Variants in TRIM38 observed in about 807,000 individuals in gnomAD.
TRIM38 encodes the protein E3 ubiquitin-protein ligase TRIM38.
In TRIM38, 35 loss-of-function variants were observed where a neutral mutation model predicts 35.8. The ratio of observed to expected loss-of-function variants is 0.98; its 90% CI spans 0.75 to 1.30. The LOEUF is 1.30. Ranked by LOEUF, TRIM38 falls within the 50% of genes most tolerant of loss-of-function variation. The probability of loss-of-function intolerance (pLI) is 0.00; values close to 1 mark genes in which losing one functional copy is unlikely to be tolerated. For missense variants in TRIM38, 545 were observed against 556.9 expected (o/e 0.98, Z 0.21); for synonymous variants, 198 against 204.7 (o/e 0.97, Z 0.28).
In TRIM38 at chr6:25,972,024, G is replaced by A. The variant is rs1252771505; in HGVS notation, c.663G>A (p.Leu221=). The A allele has an allele frequency of 6.2e-7, 1 of 1,614,160 alleles. No homozygotes were observed. The highest frequency in any genetic ancestry group is 8.5e-7 in the Non-Finnish European group (1 of 1,180,022). The change falls in exon 5 of 8, where the codon CTG becomes CTA. Residue 221 remains leucine (L), a synonymous_variant. Coordinates refer to ENST00000357085, the MANE Select transcript of TRIM38 (RefSeq NM_006355.5). ...GGGACTATGAGGCTGGTCTGGGGCT[G>A]AAGAGCAATGAACTCAAGAGCCACA... ...RLRDYEAGLG[L]KSNELKSHIL... is the part of the protein sequence containing the mutation.
At position 25,963,090 on chromosome 6, in the gene TRIM38, G is replaced by A. The variant is rs544066408; in HGVS notation, c.-381G>A. ...CAGAAGATTCAGAACTTAGATGAGT[G>A]GGGCCCAGGACAGGAACCCTGGAGC... On this transcript the variant is annotated 5_prime_UTR_variant, in exon 2 of 8. Transcript: ENST00000357085. 6.6e-6 allele frequency: 1 copy of A among 152,316 alleles called. No homozygotes were observed. Among genetic ancestry groups the A allele is most frequent in the African/African-American group, 2.4e-5 (1 of 41,382 alleles). 9.4% of individuals were successfully genotyped at this position (152,316 alleles called of 1,614,324 possible).
Position 25,966,548 on chromosome 6 carries a change from A to G in TRIM38, c.26A>G (p.Lys9Arg). The change falls in exon 3 of 8, where the codon AAG becomes AGG. Residue 9 changes from lysine to arginine, a missense_variant. By Grantham distance (26) the Lys-to-Arg change is conservative. Transcript: ENST00000357085. MASTTSTKKMMEEATCSIC... is the reference protein window; with the variant it reads MASTTSTKRMMEEATCSIC... ...ATGGCCTCAACCACCAGCACCAAGA[A>G]GATGATGGAGGAAGCCACCTGCTCC... is the stretch of plus-strand genomic sequence containing the variant. The G allele has an allele frequency of 2.5e-6, 4 of 1,612,336 alleles. No individual in the cohort carries two copies. The highest frequency in any genetic ancestry group is 3.4e-6 in the Non-Finnish European group (4 of 1,178,900).
rs1327536555 is a variant in TRIM38 at position 25,984,830 on chromosome 6, G to A, written c.*1143G>A. 4 of 152,198 alleles carry A rather than the reference G, an allele frequency of 2.6e-5. No individual in the cohort carries two copies. The highest frequency in any genetic ancestry group is 5.9e-5 in the Non-Finnish European group (4 of 68,038). 9.4% of individuals were successfully genotyped at this position (152,198 alleles called of 1,614,324 possible). On this transcript the variant is annotated 3_prime_UTR_variant, in exon 8 of 8. Coordinates refer to ENST00000357085, the MANE Select transcript of TRIM38 (RefSeq NM_006355.5). ...AGCAGCTGCAGTAAGCCAAGATCAT[G>A]CTGTGCCTCAAGGAAAAAAAAAATT...
At chr6:25,968,051 G>A (rs1760117912) in intron 3 of TRIM38, among the ~76,000 whole-genome samples, 1 of 152,184 alleles carries the variant, frequency 6.6e-6, no homozygotes, top group Non-Finnish European at 1.5e-5. Flanking sequence ...GCTGTTGGCA[G>A]CATGGAGGAA....
chr6:25,968,669 G>A (rs751581966), intron 3 of TRIM38, among the ~76,000 whole-genome samples: 2 of 152,180 alleles, frequency 1.3e-5, no homozygotes, highest in Non-Finnish European at 2.9e-5. Context: ...AGCAATTTGG[G>A]TCAGCTTCAA....
At position 25,967,040 on chromosome 6, in the gene TRIM38, C is replaced by T. The variant is rs1760082225; in HGVS notation, c.411+107C>T. The T allele has an allele frequency of 2.5e-5, 30 of 1,195,368 alleles. No individual in the cohort carries two copies. In the East Asian group the frequency reaches 7.2e-4, roughly 29 times the overall value. The allele number at this position is 1,195,368 out of a possible 1,614,324, so 74.0% of individuals were successfully genotyped here. On this transcript the variant is annotated intron_variant, in intron 3 of 7. Transcript: ENST00000357085. ...CTAACATTATGACTTGGAAATACAGCTTTCATCATGTCATTCTTCTGAAAA... is the reference window on the plus strand; with the variant it reads ...CTAACATTATGACTTGGAAATACAGTTTTCATCATGTCATTCTTCTGAAAA...
chr6:25,973,937 A>G (rs1760315343), intron 7 of TRIM38: 2 of 927,146 alleles, frequency 2.2e-6, no homozygotes, highest in Middle Eastern at 5.5e-4. Flanking sequence ...AAAACCCCTG[A>G]AAATGGAAAG....
chr6:25,990,355 C>T lies in TRIM38; in HGVS notation c.*6668C>T, dbSNP rs893938642. On this transcript the variant is annotated 3_prime_UTR_variant, in exon 8 of 8. Coordinates refer to ENST00000357085, the MANE Select transcript of TRIM38 (RefSeq NM_006355.5). ...ACAGGGTCTTGCTCTGTTGCCCAGACTGGAGTGCAGTGGCAAGATCAGGGC... is the reference window on the plus strand; with the variant it reads ...ACAGGGTCTTGCTCTGTTGCCCAGATTGGAGTGCAGTGGCAAGATCAGGGC... 3.3e-5 allele frequency: 5 copies of T among 152,270 alleles called. No individual in the cohort carries two copies. The highest frequency in any genetic ancestry group is 1.2e-4 in the African/African-American group (5 of 41,452). The allele number at this position is 152,270 out of a possible 1,614,324, so 9.4% of individuals were successfully genotyped here. A position where few individuals can be genotyped will look rare whatever the true frequency, so the allele number is the denominator to read the frequency against.
At position 25,990,008 on chromosome 6, in the gene TRIM38, C is replaced by CTTTTT. The variant is rs56248041; in HGVS notation, c.*6330_*6334dup. 2 of 143,502 alleles carry CTTTTT rather than the reference C, an allele frequency of 1.4e-5. No individual in the cohort carries two copies. Among genetic ancestry groups the CTTTTT allele is most frequent in the African/African-American group, 5.1e-5 (2 of 39,196 alleles). 8.9% of individuals were successfully genotyped at this position (143,502 alleles called of 1,614,324 possible). A position where few individuals can be genotyped will look rare whatever the true frequency, so the allele number is the denominator to read the frequency against. On this transcript the variant is annotated 3_prime_UTR_variant, in exon 8 of 8. Transcript: ENST00000357085. The stretch of plus-strand genomic sequence containing the variant: ...TTTCAATATTGTCTACTTTATCATC[C>CTTTTT]TTTTTTTTTTTTTCTTTCTTCCTTT...
intron 2 of TRIM38, among the ~76,000 whole-genome samples, chr6:25,964,284 T>C (rs1172932560): frequency 6.6e-6 from 1 of 152,202 alleles, no homozygotes; most frequent in Non-Finnish European, 1.5e-5. Context: ...GTATGTATAC[T>C]GTATAAATAT....
intron 5 of TRIM38, among the ~76,000 whole-genome samples, chr6:25,972,371 C>T (rs146974523): frequency 4.6e-5 from 7 of 152,246 alleles, no homozygotes; most frequent in African/African-American, 1.2e-4. Flanking sequence ...TGTTGACTCT[C>T]TCCTGAAATA....
rs1436570504 is a variant in TRIM38, at chr6:25,988,484, T to C, written c.*4797T>C. The C allele has an allele frequency of 5.3e-4, 49 of 91,958 alleles. No homozygotes were observed. Among genetic ancestry groups the C allele is most frequent in the African/African-American group, 2.4e-3 (46 of 18,784 alleles). 5.7% of individuals were successfully genotyped at this position (91,958 alleles called of 1,614,324 possible). A position where few individuals can be genotyped will look rare whatever the true frequency, so the allele number is the denominator to read the frequency against. On this transcript the variant is annotated 3_prime_UTR_variant, in exon 8 of 8. Coordinates refer to ENST00000357085, the MANE Select transcript of TRIM38 (RefSeq NM_006355.5). Reference sequence around the variant, plus strand: ...GTTTCTTTTCTTTTTCTTTTTCTTTTTTCTTTTCTTTCTTTTTTTTTTTTT... The same window carrying C: ...GTTTCTTTTCTTTTTCTTTTTCTTTCTTCTTTTCTTTCTTTTTTTTTTTTT...
chr6:25,969,274 C>A, intron 3 of TRIM38, 51 bp from the exon 4 acceptor site: 1 of 1,364,098 alleles, frequency 7.3e-7, no homozygotes, highest in South Asian at 1.2e-5. Context: ...CCCTAGGTCC[C>A]TAATGAAGAG....
chr6:25,970,306 C>T (rs886206600), intron 4 of TRIM38, among the ~76,000 whole-genome samples: 42 of 152,224 alleles, frequency 2.8e-4, no homozygotes, highest in African/African-American at 7.7e-4. Flanking sequence ...GCTGACTAAC[C>T]TCCACATTAT....
chr6:25,969,046 G>T (rs1038364910), intron 3 of TRIM38, among the ~76,000 whole-genome samples: 2 of 152,198 alleles, frequency 1.3e-5, no homozygotes, highest in African/African-American at 2.4e-5. Flanking sequence ...CCACCACCTG[G>T]CAGTCATAGC....
intron 7 of TRIM38, among the ~76,000 whole-genome samples, chr6:25,976,146 T>C (rs1237367898): frequency 1.3e-5 from 2 of 152,228 alleles, no homozygotes; most frequent in South Asian, 4.1e-4. Flanking sequence ...GGAGGAAATA[T>C]GACACAGAGA....
Position 25,990,361 on chromosome 6 carries a change from T to G in TRIM38, c.*6674T>G, listed in dbSNP as rs1231475495. On this transcript the variant is annotated 3_prime_UTR_variant, in exon 8 of 8. Transcript: ENST00000357085. ...TCTTGCTCTGTTGCCCAGACTGGAG[T>G]GCAGTGGCAAGATCAGGGCTCACTG... 1 of 152,248 alleles carries G rather than the reference T, an allele frequency of 6.6e-6. No homozygotes were observed. The highest frequency in any genetic ancestry group is 2.4e-5 in the African/African-American group (1 of 41,440). 9.4% of individuals were successfully genotyped at this position (152,248 alleles called of 1,614,324 possible). A position where few individuals can be genotyped will look rare whatever the true frequency, so the allele number is the denominator to read the frequency against.
In TRIM38 at chr6:25,989,716, G is replaced by A. The variant is rs943231749; in HGVS notation, c.*6029G>A. Reference sequence around the variant, plus strand: ...TTTCACTTTTTGAAAACAAAAAATAGTTTTTTTCTCATAGTTTTCTAACAA... The same window carrying A: ...TTTCACTTTTTGAAAACAAAAAATAATTTTTTTCTCATAGTTTTCTAACAA... On this transcript the variant is annotated 3_prime_UTR_variant, in exon 8 of 8. Transcript: ENST00000357085. 1 of 151,614 alleles carries A rather than the reference G, an allele frequency of 6.6e-6. No homozygotes were observed. The highest frequency in any genetic ancestry group is 2.4e-5 in the African/African-American group (1 of 41,288). The allele number at this position is 151,614 out of a possible 1,614,324, so 9.4% of individuals were successfully genotyped here.
At chr6:25,977,436 G>A (rs1446671555) in intron 7 of TRIM38, among the ~76,000 whole-genome samples, 1 of 152,176 alleles carries the variant, frequency 6.6e-6, no homozygotes, top group East Asian at 1.9e-4. Context: ...TTGGGAGGCC[G>A]AGGCAGGAGG....
Sources: allele counts gnomAD v4.1 joint callset (sites outside exome capture counted in the v4.1 genomes callset), GRCh38; gene constraint gnomAD v4.1.1; transcripts MANE v1.5; gene names NCBI Gene and HGNC (gene_info 2026-07-23, HGNC 2026-07-21).